TF: variants seen among roughly 807,000 people sequenced by gnomAD.
TF encodes transferrin.
Under a neutral mutation model 82.4 loss-of-function variants are expected in TF, and 55 were observed. The ratio of observed to expected loss-of-function variants is 0.67; its 90% CI spans 0.54 to 0.84. TF has a LOEUF of 0.84. Among genes scored for constraint, TF ranks in the 40% least tolerant of loss-of-function variants. The probability of loss-of-function intolerance (pLI) is 0.00; values close to 1 mark genes in which losing one functional copy is unlikely to be tolerated. For synonymous variants in TF, 332 were observed against 332.6 expected, an observed-to-expected ratio of 1.00 and a Z score of 0.02; for missense variants, 737 against 868.4, an observed-to-expected ratio of 0.85 and a Z score of 1.90.
chr3:133,667,947 A>G, the TF span, among the ~76,000 whole-genome samples: 1 of 152,242 alleles, frequency 6.6e-6, no homozygotes, highest in South Asian at 2.1e-4. Flanking sequence ...ACTCCTTAGT[A>G]ATAGAGTATC....
chr3:133,764,105 C>A, intron 9 of TF, 77 bp from the exon 10 acceptor site: 1 of 1,333,208 alleles, frequency 7.5e-7, no homozygotes, highest in South Asian at 1.2e-5. Context: ...AAGGCTGCTT[C>A]AAGGAAACAG....
In TF at chr3:133,755,452, T is replaced by C. The variant is rs1258728776; in HGVS notation, c.592T>C (p.Cys198Arg). 1.2e-6 allele frequency: 2 copies of C among 1,614,038 alleles called. No individual in the cohort carries two copies. Among genetic ancestry groups the C allele is most frequent in the Non-Finnish European group, 1.7e-6 (2 of 1,179,978 alleles). ...QLCQLCPGCG[C>R]STLNQYFGYS... The stretch of plus-strand genomic sequence containing the variant: ...GTGTCAACTGTGTCCAGGGTGTGGC[T>C]GCTCCACCCTTAACCAATACTTCGG... The change falls in exon 5 of 17, where the codon TGC becomes CGC. Residue 198 changes from cysteine to arginine, a missense_variant. Cys to Arg is a radical substitution (Grantham distance 180, BLOSUM62 -3). Coordinates refer to ENST00000402696, the MANE Select transcript of TF (RefSeq NM_001063.4).
the TF span, among the ~76,000 whole-genome samples, chr3:133,677,790 C>A: frequency 1.3e-5 from 2 of 151,846 alleles, no homozygotes; most frequent in African/African-American, 4.8e-5. Flanking sequence ...CTCAAGCGAT[C>A]CTCCTATCTC....
chr3:133,728,584 T>G, the TF span, among the ~76,000 whole-genome samples: 1 of 152,246 alleles, frequency 6.6e-6, no homozygotes, highest in African/African-American at 2.4e-5. Context: ...TATAACTTCT[T>G]TGCCTTTGGT....
the TF span, among the ~76,000 whole-genome samples, chr3:133,694,615 A>G: frequency 6.6e-6 from 1 of 152,192 alleles, no homozygotes; most frequent in Non-Finnish European, 1.5e-5. Context: ...AGACAGACTC[A>G]TGTCTAGGAC....
At chr3:133,776,049 T>A (rs1934381716) in intron 15 of TF, among the ~76,000 whole-genome samples, 1 of 152,190 alleles carries the variant, frequency 6.6e-6, no homozygotes, top group Non-Finnish European at 1.5e-5. Flanking sequence ...TGGTCACTGG[T>A]GATTAGATCT....
rs757807238 is a variant in TF at position 133,764,247 on chromosome 3, G to A, written c.1269G>A (p.Leu423=). 1 of 1,613,990 alleles carries A rather than the reference G, an allele frequency of 6.2e-7. No homozygotes were observed. The highest frequency in any genetic ancestry group is 8.5e-7 in the Non-Finnish European group (1 of 1,179,874). ...GFVYIAGKCG[L]VPVLAENYNK... ...TCTACATAGCGGGCAAGTGTGGTCT[G>A]GTGCCTGTCTTGGCAGAAAACTACA... The change falls in exon 10 of 17, where the codon CTG becomes CTA. Residue 423 remains leucine, a synonymous_variant. Coordinates refer to ENST00000402696, the MANE Select transcript of TF (RefSeq NM_001063.4).
At chr3:133,729,779 C>G in the TF span, among the ~76,000 whole-genome samples, 6 of 152,142 alleles carry the variant, frequency 3.9e-5, no homozygotes, top group African/African-American at 1.4e-4. Flanking sequence ...TAGACTGGAG[C>G]TGTTCCTATT....
At chr3:133,726,277 C>T in the TF span, among the ~76,000 whole-genome samples, 3 of 152,128 alleles carry the variant, frequency 2.0e-5, no homozygotes, top group African/African-American at 4.8e-5. Context: ...GCTGTGAATC[C>T]ATCTGGTCCT....
chr3:133,724,008 G>A, the TF span, among the ~76,000 whole-genome samples: 1 of 152,128 alleles, frequency 6.6e-6, no homozygotes, highest in Non-Finnish European at 1.5e-5. Flanking sequence ...TGGCTGCATA[G>A]TATTCCATGG....
the TF span, among the ~76,000 whole-genome samples, chr3:133,665,493 AAG>A: frequency 2.3e-3 from 342 of 151,762 alleles, 1 homozygote; most frequent in African/African-American, 7.8e-3. Flanking sequence ...AAAAAAGAAA[AAG>A]AAAAAAAAAT....
rs112781636 is a variant in TF, at chr3:133,764,745, G to A, written c.1298-130G>A. 119 of 862,488 alleles carry A rather than the reference G, an allele frequency of 1.4e-4. No individual in the cohort carries two copies. The African/African-American group carries it at 1.7e-3, about 13-fold the overall frequency. The allele number at this position is 862,488 out of a possible 1,614,324, so 53.4% of individuals were successfully genotyped here. ...TGATCCAGAGAGTCTGGACTTGTTGGGAATTGATGACATGTATAGATAATT... is the reference window on the plus strand; with the variant it reads ...TGATCCAGAGAGTCTGGACTTGTTGAGAATTGATGACATGTATAGATAATT... On this transcript the variant is annotated intron_variant, in intron 10 of 16. Coordinates refer to ENST00000402696, the MANE Select transcript of TF (RefSeq NM_001063.4).
chr3:133,719,185 TG>T, the TF span, among the ~76,000 whole-genome samples: 1 of 151,890 alleles, frequency 6.6e-6, no homozygotes, highest in Non-Finnish European at 1.5e-5. Flanking sequence ...CATATAGGAG[TG>T]TGATAAAATT....
At chr3:133,755,212 T>G in intron 4 of TF, 151 bp from the exon 5 acceptor site, 1 of 936,208 alleles carries the variant, frequency 1.1e-6, no homozygotes. Flanking sequence ...AAATCCTTGA[T>G]CTTGATGAGT....
rs1009311988 is a variant in TF at position 133,780,440 on chromosome 3, G to C, written c.*1820G>C. The C allele has an allele frequency of 6.6e-6, 1 of 152,056 alleles. No homozygotes were observed. The highest frequency in any genetic ancestry group is 1.5e-5 in the Non-Finnish European group (1 of 68,012). The allele number at this position is 152,056 out of a possible 1,614,324, so 9.4% of individuals were successfully genotyped here. On this transcript the variant is annotated 3_prime_UTR_variant, in exon 17 of 17. Transcript: ENST00000402696. ...ACATCCATTCTTAATTATTAAATTA[G>C]TTACTAAAATAGGATAGACAGATGT... is the stretch of plus-strand genomic sequence containing the variant.
At chr3:133,710,768 G>A in the TF span, among the ~76,000 whole-genome samples, 2 of 152,046 alleles carry the variant, frequency 1.3e-5, no homozygotes, top group Non-Finnish European at 2.9e-5. Flanking sequence ...TAAACACACC[G>A]AATGTTTTCC....
chr3:133,709,175 C>T, the TF span, among the ~76,000 whole-genome samples: 2 of 152,166 alleles, frequency 1.3e-5, no homozygotes, highest in South Asian at 4.1e-4. Flanking sequence ...GACAGAAAAA[C>T]CTAACATCTC....
At chr3:133,718,485 C>T in the TF span, among the ~76,000 whole-genome samples, 1 of 152,078 alleles carries the variant, frequency 6.6e-6, no homozygotes, top group Non-Finnish European at 1.5e-5. Flanking sequence ...GAAGCAGGAG[C>T]ACAGGTCAGT....
At chr3:133,769,002 T>A (rs973514175) in intron 13 of TF, among the ~76,000 whole-genome samples, 1 of 151,976 alleles carries the variant, frequency 6.6e-6, no homozygotes, top group Admixed American at 6.6e-5. Context: ...CCATGTTGCC[T>A]AGGCTGGTCT....
Sources: allele counts gnomAD v4.1 joint callset (sites outside exome capture counted in the v4.1 genomes callset), GRCh38; gene constraint gnomAD v4.1.1; transcripts MANE v1.5; gene names NCBI Gene and HGNC (gene_info 2026-07-23, HGNC 2026-07-21).